RILP: variants seen among roughly 807,000 people sequenced by gnomAD.
RILP encodes the protein Rab interacting lysosomal protein.
RILP carries 53 observed loss-of-function variants against 40.0 expected under a neutral mutation model. The ratio of observed to expected loss-of-function variants is 1.32; its 90% CI spans 1.06 to 1.66. The LOEUF is 1.66. Ranked by LOEUF, RILP falls within the 40% of genes most tolerant of loss-of-function variation. The probability of loss-of-function intolerance (pLI) is 0.00; values close to 1 mark genes in which losing one functional copy is unlikely to be tolerated. For missense variants in RILP, 626 were observed against 551.7 expected (o/e 1.13, Z -1.35); for synonymous variants, 272 against 250.6 (o/e 1.09, Z -0.80).
Position 1,648,817 on chromosome 17 carries a change from TG to T in RILP, c.656del (p.Pro219GlnfsTer72). 1 of 1,527,456 alleles carries T rather than the reference TG, an allele frequency of 6.5e-7. No individual in the cohort carries two copies. Among genetic ancestry groups the T allele is most frequent in the East Asian group, 2.4e-5 (1 of 42,246 alleles). 94.6% of individuals were successfully genotyped at this position (1,527,456 alleles called of 1,614,324 possible). ...CACTCACCGGGTCCTCAGGGTTCCC[TG>T]GGGCGCCTGCGCCGGCGGTCGCCCA... ...PEWATAGAGA[P>X]GNPEDPAEAA... On this transcript the variant is annotated frameshift_variant, in exon 4 of 8. Coordinates refer to ENST00000301336, the MANE Select transcript of RILP (RefSeq NM_031430.3). LOFTEE classifies it high-confidence loss of function. The surrounding 1 kb of genome is among the most constrained non-coding windows in gnomAD (Gnocchi z 4.9).
chr17:1,646,667 T>C lies in RILP; in HGVS notation c.1029-48A>G, dbSNP rs372893048. 2.4e-5 allele frequency: 36 copies of C among 1,525,454 alleles called. No individual in the cohort carries two copies. In the East Asian group the frequency reaches 4.3e-4, roughly 18 times the overall value. The allele number at this position is 1,525,454 out of a possible 1,614,324, so 94.5% of individuals were successfully genotyped here. ...ACTTTGAGCCAGGAAGCCAGAGAGG[T>C]CAAGGATATGGGTGAGGGCAGGGGA... On this transcript the variant is annotated intron_variant, in intron 7 of 7. Coordinates refer to ENST00000301336, the MANE Select transcript of RILP (RefSeq NM_031430.3). This position sits in a 1 kb window ranked among gnomAD's most constrained non-coding sequence, Gnocchi z 4.3.
chr17:1,646,612 G>A lies in RILP; in HGVS notation c.1036C>T (p.Leu346=). The change falls in exon 8 of 8, where the codon CTA becomes TTA. Residue 346 remains leucine (L), a synonymous_variant. Coordinates refer to ENST00000301336, the MANE Select transcript of RILP (RefSeq NM_031430.3). The surrounding 1 kb of genome is among the most constrained non-coding windows in gnomAD (Gnocchi z 4.3). ...GATTCAGCTTTACCCCGATACCATA[G>A]GCCAAAGCTGGAGAGAGACAGCCAG... The part of the protein sequence containing the change: ...PESKIQSFFG[L]WYRGKAESSE... The A allele has an allele frequency of 6.3e-7, 1 of 1,574,882 alleles. No homozygotes were observed. Among genetic ancestry groups the A allele is most frequent in the Non-Finnish European group, 8.6e-7 (1 of 1,160,928 alleles).
Position 1,649,377 on chromosome 17 carries a change from GTCACCCGCCCTGCCCT to G in RILP, c.322+19_322+34del. The G allele has an allele frequency of 6.7e-7, 1 of 1,494,996 alleles. No homozygotes were observed. The highest frequency in any genetic ancestry group is 8.9e-7 in the Non-Finnish European group (1 of 1,128,780). The allele number at this position is 1,494,996 out of a possible 1,614,324, so 92.6% of individuals were successfully genotyped here. On this transcript the variant is annotated intron_variant, in intron 2 of 7. Coordinates refer to ENST00000301336, the MANE Select transcript of RILP (RefSeq NM_031430.3). This position sits in a 1 kb window ranked among gnomAD's most constrained non-coding sequence, Gnocchi z 4.3. ...AGGGAGGGGAGGACCCGAGCAGGTC[GTCACCCGCCCTGCCCT>G]GGCCGGGGCTGCGCTTACCCTGTGG...
At position 1,648,727 on chromosome 17, in the gene RILP, C is replaced by T; in HGVS notation, c.675+72G>A. ...GCCGACCTGCTGTGCAGCATGCAAACCTTGCTTGAGTGCCCACCGAGGGCT... is the reference window on the plus strand; with the variant it reads ...GCCGACCTGCTGTGCAGCATGCAAATCTTGCTTGAGTGCCCACCGAGGGCT... On this transcript the variant is annotated intron_variant, in intron 4 of 7. Coordinates refer to ENST00000301336, the MANE Select transcript of RILP (RefSeq NM_031430.3). The surrounding 1 kb of genome is among the most constrained non-coding windows in gnomAD (Gnocchi z 4.9). 7.0e-7 allele frequency: 1 copy of T among 1,438,122 alleles called. No homozygotes were observed. The highest frequency in any genetic ancestry group is 9.1e-7 in the Non-Finnish European group (1 of 1,100,030). 89.1% of individuals were successfully genotyped at this position (1,438,122 alleles called of 1,614,324 possible). A position where few individuals can be genotyped will look rare whatever the true frequency, so the allele number is the denominator to read the frequency against.
chr17:1,648,586 C>T lies in RILP; in HGVS notation c.676-91G>A. ...TGGGAATGCTAGAGGAAGTGACGGG[C>T]CGGGAGACTTGGGGGACAAGGGTGC... On this transcript the variant is annotated intron_variant, in intron 4 of 7. Coordinates refer to ENST00000301336, the MANE Select transcript of RILP (RefSeq NM_031430.3). The surrounding 1 kb of genome is among the most constrained non-coding windows in gnomAD (Gnocchi z 4.9). 1 of 1,531,164 alleles carries T rather than the reference C, an allele frequency of 6.5e-7. No homozygotes were observed. The allele number at this position is 1,531,164 out of a possible 1,614,324, so 94.8% of individuals were successfully genotyped here.
Position 1,649,342 on chromosome 17 carries a change from G to A in RILP, c.323-36C>T. The A allele has an allele frequency of 2.7e-6, 4 of 1,486,586 alleles. No homozygotes were observed. The highest frequency in any genetic ancestry group is 4.4e-5 in the Admixed American group (2 of 45,578). The allele number at this position is 1,486,586 out of a possible 1,614,324, so 92.1% of individuals were successfully genotyped here. A position where few individuals can be genotyped will look rare whatever the true frequency, so the allele number is the denominator to read the frequency against. ...GGCGTTCTTAGCGGCGGCGGCGCGCGGCCCGCGGGAGGGAGGGGAGGACCC... is the reference window on the plus strand; with the variant it reads ...GGCGTTCTTAGCGGCGGCGGCGCGCAGCCCGCGGGAGGGAGGGGAGGACCC... On this transcript the variant is annotated intron_variant, in intron 2 of 7. Coordinates refer to ENST00000301336, the MANE Select transcript of RILP (RefSeq NM_031430.3). This position sits in a 1 kb window ranked among gnomAD's most constrained non-coding sequence, Gnocchi z 4.3.
In RILP at chr17:1,647,144, A is replaced by AT. The variant is rs890909713; in HGVS notation, c.945-156dup. 5.5e-3 allele frequency among the ~76,000 whole-genome samples: 797 copies of AT among 145,570 alleles called. 4 individuals carry two copies. Among genetic ancestry groups the AT allele is most frequent in the Admixed American group, 7.9e-3 (115 of 14,608 alleles). ...CAGGATGTCGAGCCTTTAATTTTTA[A>AT]TTTTTTTTTTTTTGAGACAGGGTCT... On this transcript the variant is annotated intron_variant, in intron 6 of 7. Coordinates refer to ENST00000301336, the MANE Select transcript of RILP (RefSeq NM_031430.3).
Position 1,648,773 on chromosome 17 carries a change from G to A in RILP, c.675+26C>T. ...GGGCTGGACGCTGCGTCCTGGGCTG[G>A]GTCCTTGCCCTCATACGGCACTCAC... On this transcript the variant is annotated intron_variant, in intron 4 of 7. Coordinates refer to ENST00000301336, the MANE Select transcript of RILP (RefSeq NM_031430.3). The surrounding 1 kb of genome is among the most constrained non-coding windows in gnomAD (Gnocchi z 4.9). 1 of 1,488,300 alleles carries A rather than the reference G, an allele frequency of 6.7e-7. No individual in the cohort carries two copies. Among genetic ancestry groups the A allele is most frequent in the East Asian group, 2.4e-5 (1 of 41,700 alleles). 92.2% of individuals were successfully genotyped at this position (1,488,300 alleles called of 1,614,324 possible).
In RILP at chr17:1,649,643, C is replaced by T. The variant is rs1485068087; in HGVS notation, c.162G>A (p.Leu54=). ...CCAGCGCCCGCACCACTAGCGGCAC[C>T]AGCCCGGCCGCCGCCTCCGGCCCGA... is the stretch of plus-strand genomic sequence containing the variant. ...RRFGPEAAAG[L]VPLVVRALEL... The change falls in exon 1 of 8, where the codon CTG becomes CTA. Residue 54 remains leucine, a synonymous_variant. Transcript: ENST00000301336. This position sits in a 1 kb window ranked among gnomAD's most constrained non-coding sequence, Gnocchi z 4.3. 1 of 1,586,658 alleles carries T rather than the reference C, an allele frequency of 6.3e-7. No individual in the cohort carries two copies. The highest frequency in any genetic ancestry group is 1.7e-5 in the Admixed American group (1 of 58,628).
In RILP at chr17:1,648,638, A is replaced by C; in HGVS notation, c.676-143T>G. 7.1e-7 allele frequency: 1 copy of C among 1,406,262 alleles called. No homozygotes were observed. Among genetic ancestry groups the C allele is most frequent in the Non-Finnish European group, 9.4e-7 (1 of 1,069,462 alleles). 87.1% of individuals were successfully genotyped at this position (1,406,262 alleles called of 1,614,324 possible). ...CTAACAGATAACAGAGCAGTGCTCC[A>C]GCTGAGAGCGGGGGCCGAGGCCGGC... On this transcript the variant is annotated intron_variant, in intron 4 of 7. Transcript: ENST00000301336. The surrounding 1 kb of genome is among the most constrained non-coding windows in gnomAD (Gnocchi z 4.9).
rs1193849569 is a variant in RILP, at chr17:1,648,938, C to T, written c.536G>A (p.Arg179His). The change falls in exon 4 of 8, where the codon CGC becomes CAC. Residue 179 changes from arginine (R) to histidine (H), a missense_variant. By Grantham distance (29) the Arg-to-His change is conservative (BLOSUM62 0). Coordinates refer to ENST00000301336, the MANE Select transcript of RILP (RefSeq NM_031430.3). This position sits in a 1 kb window ranked among gnomAD's most constrained non-coding sequence, Gnocchi z 4.9. ...AGTCGCGGCTTCGCCAGGCTGCTGG[C>T]GCTCCCTCTCGCGGTCCTGCGCGGC... ...LRAAQDRERERQQPGEAATPQ... is the reference protein window; with the variant it reads ...LRAAQDREREHQQPGEAATPQ... 2.6e-6 allele frequency: 4 copies of T among 1,520,336 alleles called. No homozygotes were observed. Among genetic ancestry groups the T allele is most frequent in the Non-Finnish European group, 2.6e-6 (3 of 1,140,912 alleles). 94.2% of individuals were successfully genotyped at this position (1,520,336 alleles called of 1,614,324 possible).
At chr17:1,647,603 G>A (rs1182273449) in intron 6 of RILP, among the ~76,000 whole-genome samples, 1 of 152,180 alleles carries the variant, frequency 6.6e-6, no homozygotes, top group African/African-American at 2.4e-5. Context: ...GGCAAGGGGA[G>A]TGGTGAGATC....
In RILP at chr17:1,649,411, C is replaced by T. The variant is rs1300893601; in HGVS notation, c.322+1G>A. On this transcript the variant is annotated splice_donor_variant, in intron 2 of 7. Coordinates refer to ENST00000301336, the MANE Select transcript of RILP (RefSeq NM_031430.3). LOFTEE classifies it high-confidence loss of function. This position sits in a 1 kb window ranked among gnomAD's most constrained non-coding sequence, Gnocchi z 4.3. ...CCTGCCCTGGCCGGGGCTGCGCTTA[C>T]CCTGTGGCCCCGCGCGCAGCTCCCT... 5 of 1,506,242 alleles carry T rather than the reference C, an allele frequency of 3.3e-6. No homozygotes were observed. The highest frequency in any genetic ancestry group is 4.4e-6 in the Non-Finnish European group (5 of 1,134,968). 93.3% of individuals were successfully genotyped at this position (1,506,242 alleles called of 1,614,324 possible). A position where few individuals can be genotyped will look rare whatever the true frequency, so the allele number is the denominator to read the frequency against.
rs1910576289 is a variant in RILP, at chr17:1,646,475, A to G, written c.1173T>C (p.Leu391=). 1 of 1,602,644 alleles carries G rather than the reference A, an allele frequency of 6.2e-7. No homozygotes were observed. The highest frequency in any genetic ancestry group is 1.3e-5 in the African/African-American group (1 of 74,426). Residue 391 remains leucine, a synonymous_variant, in exon 8 of 8, where the codon CTT becomes CTC. Coordinates refer to ENST00000301336, the MANE Select transcript of RILP (RefSeq NM_031430.3). The surrounding 1 kb of genome is among the most constrained non-coding windows in gnomAD (Gnocchi z 4.3). ...DPPCSALHEH[L]CLGASAAPEA ...CTGGGGCGGCTGAGGCCCCCAGACA[A>G]AGGTGTTCGTGGAGGGCAGAACAGG... is the stretch of plus-strand genomic sequence containing the variant.
chr17:1,649,235 G>A lies in RILP; in HGVS notation c.394C>T (p.Arg132Cys), dbSNP rs867238060. The change falls in exon 3 of 8, where the codon CGC (arginine) becomes TGC (cysteine). Residue 132 changes from arginine (R) to cysteine (C), a missense_variant. Coordinates refer to ENST00000301336, the MANE Select transcript of RILP (RefSeq NM_031430.3). The surrounding 1 kb of genome is among the most constrained non-coding windows in gnomAD (Gnocchi z 4.3). ...RQRDELRAHN[R>C]DLRQRGQETE... Reference sequence around the variant, plus strand: ...TCCTGGCCGCGCTGCCGCAGGTCGCGGTTGTGCGCCCGGAGTTCGTCCCGC... The same window carrying A: ...TCCTGGCCGCGCTGCCGCAGGTCGCAGTTGTGCGCCCGGAGTTCGTCCCGC... 2.7e-6 allele frequency: 4 copies of A among 1,492,674 alleles called. No individual in the cohort carries two copies. Among genetic ancestry groups the A allele is most frequent in the African/African-American group, 1.5e-5 (1 of 68,456 alleles). The allele number at this position is 1,492,674 out of a possible 1,614,324, so 92.5% of individuals were successfully genotyped here.
chr17:1,648,806 T>C lies in RILP; in HGVS notation c.668A>G (p.Glu223Gly). 6.6e-7 allele frequency: 1 copy of C among 1,518,166 alleles called. No homozygotes were observed. The highest frequency in any genetic ancestry group is 8.7e-7 in the Non-Finnish European group (1 of 1,144,078). The allele number at this position is 1,518,166 out of a possible 1,614,324, so 94.0% of individuals were successfully genotyped here. Reference sequence around the variant, plus strand: ...CCCTCATACGGCACTCACCGGGTCCTCAGGGTTCCCTGGGGCGCCTGCGCC... The same window carrying C: ...CCCTCATACGGCACTCACCGGGTCCCCAGGGTTCCCTGGGGCGCCTGCGCC... The part of the protein sequence containing the change: ...TAGAGAPGNP[E>G]DPAEAAQQLG... Residue 223 changes from glutamate (E) to glycine (G), a missense_variant, in exon 4 of 8, where the codon GAG becomes GGG. Coordinates refer to ENST00000301336, the MANE Select transcript of RILP (RefSeq NM_031430.3). This position sits in a 1 kb window ranked among gnomAD's most constrained non-coding sequence, Gnocchi z 4.9.
Position 1,649,865 on chromosome 17 carries a change from G to T in RILP, c.-61C>A. On this transcript the variant is annotated 5_prime_UTR_variant, in exon 1 of 8. Coordinates refer to ENST00000301336, the MANE Select transcript of RILP (RefSeq NM_031430.3). This position sits in a 1 kb window ranked among gnomAD's most constrained non-coding sequence, Gnocchi z 4.3. ...CCACCCTCCACTGGGACGGGGAAAA[G>T]CGAAACAGTTCCGCCCCAGGAAGCC... 1 of 1,369,484 alleles carries T rather than the reference G, an allele frequency of 7.3e-7. No homozygotes were observed. The highest frequency in any genetic ancestry group is 9.8e-7 in the Non-Finnish European group (1 of 1,019,014). 84.8% of individuals were successfully genotyped at this position (1,369,484 alleles called of 1,614,324 possible).
chr17:1,647,188 G>A (rs569134873), intron 6 of RILP, among the ~76,000 whole-genome samples, 199 bp from the exon 7 acceptor site: 3 of 151,816 alleles, frequency 2.0e-5, no homozygotes, highest in African/African-American at 7.2e-5. Context: ...CGCCCAGGCT[G>A]GAGTGCAGTG....
Position 1,646,860 on chromosome 17 carries a change from C to T in RILP, c.1028+46G>A. The T allele has an allele frequency of 7.0e-7, 1 of 1,428,966 alleles. No homozygotes were observed. Among genetic ancestry groups the T allele is most frequent in the East Asian group, 2.4e-5 (1 of 42,286 alleles). The allele number at this position is 1,428,966 out of a possible 1,614,324, so 88.5% of individuals were successfully genotyped here. A position where few individuals can be genotyped will look rare whatever the true frequency, so the allele number is the denominator to read the frequency against. The stretch of plus-strand genomic sequence containing the variant: ...ATCCTGAGAAGGACCAGCCAGGGCC[C>T]TTCCTCCCTCCCCACACTCTTGCCT... On this transcript the variant is annotated intron_variant, in intron 7 of 7. Transcript: ENST00000301336. The surrounding 1 kb of genome is among the most constrained non-coding windows in gnomAD (Gnocchi z 4.3).
Sources: gnomAD v4.1 joint callset for allele counts (sites outside exome capture counted in the v4.1 genomes callset) on GRCh38, gnomAD v4.1.1 for gene constraint, Gnocchi (gnomAD v3.1) non-coding constraint, MANE v1.5 for transcripts, NCBI Gene and HGNC (gene_info 2026-07-23, HGNC 2026-07-21) for gene names.